FLT3: variants seen among roughly 807,000 people sequenced by gnomAD.
The protein encoded by FLT3 is fms related receptor tyrosine kinase 3, also known as receptor-type tyrosine-protein kinase FLT3.
In FLT3, 46 loss-of-function variants were observed where a neutral mutation model predicts 126.6. The ratio of observed to expected loss-of-function variants is 0.36; its 90% confidence interval spans 0.29 to 0.46. The LOEUF is 0.46. FLT3 is among the 20% of genes least tolerant of loss of function. The pLI, the probability that FLT3 is intolerant of heterozygous loss-of-function variation, is 1.00. For synonymous variants in FLT3, 404 were observed against 434.4 expected (o/e 0.93, Z 0.87); for missense variants, 1,069 against 1,190.3 (o/e 0.90, Z 1.50).
At chr13:28,028,790 C>CTTT (rs35421108) in intron 15 of FLT3, among the ~76,000 whole-genome samples, 1 of 141,188 alleles carries the variant, frequency 7.1e-6, no homozygotes, top group Non-Finnish European at 1.5e-5. Flanking sequence ...TTCTTTCTTT[C>CTTT]TTTTTTTTTG....
At chr13:28,011,640 C>T (rs1410675000) in intron 23 of FLT3, among the ~76,000 whole-genome samples, 11 of 128,652 alleles carry the variant, frequency 8.6e-5, no homozygotes, top group Admixed American at 6.9e-4. Flanking sequence ...ACTCCTCCCA[C>T]CCGGGGAGGG....
chr13:28,075,123 T>C (rs1186950709), intron 1 of FLT3, among the ~76,000 whole-genome samples: 1 of 152,230 alleles, frequency 6.6e-6, no homozygotes, highest in African/African-American at 2.4e-5. Flanking sequence ...CAAAAATATA[T>C]ACTCACGGAG....
chr13:28,092,509 G>A (rs972840973), intron 1 of FLT3, among the ~76,000 whole-genome samples: 2 of 152,002 alleles, frequency 1.3e-5, no homozygotes, highest in Admixed American at 6.6e-5. Context: ...TGGGCTTACA[G>A]GTGCACACCA....
chr13:28,089,246 T>C (rs894538159), intron 1 of FLT3, among the ~76,000 whole-genome samples: 3 of 152,170 alleles, frequency 2.0e-5, no homozygotes, highest in African/African-American at 7.2e-5. Context: ...TCTCACACAT[T>C]GTTGGGGAAA....
chr13:28,087,041 T>C (rs1878721913), intron 1 of FLT3, among the ~76,000 whole-genome samples: 1 of 151,998 alleles, frequency 6.6e-6, no homozygotes, highest in Admixed American at 6.6e-5. Flanking sequence ...TTTGTTTCTC[T>C]TCATTTTTGA....
chr13:28,035,479 A>G lies in FLT3; in HGVS notation c.1597+16T>C, dbSNP rs1873747439. The G allele has an allele frequency of 4.4e-6, 7 of 1,603,450 alleles. No individual in the cohort carries two copies. The highest frequency in any genetic ancestry group is 6.0e-6 in the Non-Finnish European group (7 of 1,176,250). On this transcript the variant is annotated intron_variant, in intron 12 of 23. Transcript: ENST00000241453. ...GAATTCCTGATGGTGGAATATCACA[A>G]GAACAACTGTTGTACCTGGAGAGTT...
intron 1 of FLT3, among the ~76,000 whole-genome samples, chr13:28,086,337 C>T (rs1174933764): frequency 6.6e-6 from 1 of 152,258 alleles, no homozygotes; most frequent in South Asian, 2.1e-4. Context: ...TGTTACATTA[C>T]TTCGTATCTA....
At chr13:28,085,627 G>T (rs1015815693) in intron 1 of FLT3, among the ~76,000 whole-genome samples, 1 of 151,928 alleles carries the variant, frequency 6.6e-6, no homozygotes, top group African/African-American at 2.4e-5. Flanking sequence ...AGGTGCATAC[G>T]TTTAGGATTG....
At chr13:28,058,392 A>T (rs1876227920) in intron 3 of FLT3, among the ~76,000 whole-genome samples, 1 of 151,792 alleles carries the variant, frequency 6.6e-6, no homozygotes, top group Non-Finnish European at 1.5e-5. Flanking sequence ...CATGCCTGTA[A>T]TCCCAGCTAC....
chr13:28,073,673 C>G (rs939691712), intron 1 of FLT3, among the ~76,000 whole-genome samples: 8 of 151,848 alleles, frequency 5.3e-5, no homozygotes, highest in African/African-American at 1.7e-4. Context: ...GATGCTCACA[C>G]CTGTAATCCC....
chr13:28,021,825 C>T (rs1261309915), intron 19 of FLT3, among the ~76,000 whole-genome samples: 1 of 151,466 alleles, frequency 6.6e-6, no homozygotes, highest in African/African-American at 2.4e-5. Flanking sequence ...TCACTGCAAG[C>T]TCCGCCTCCC....
At chr13:28,087,265 T>C (rs1482763328) in intron 1 of FLT3, among the ~76,000 whole-genome samples, 1 of 150,962 alleles carries the variant, frequency 6.6e-6, no homozygotes, top group Non-Finnish European at 1.5e-5. Flanking sequence ...AGACAGTGGA[T>C]TGCTATGTTG....
chr13:28,065,132 G>T (rs1876902322), intron 2 of FLT3, among the ~76,000 whole-genome samples: 1 of 152,096 alleles, frequency 6.6e-6, no homozygotes, highest in Non-Finnish European at 1.5e-5. Flanking sequence ...GAGAATATAA[G>T]GAAATATATA....
At chr13:28,006,590 CAT>C (rs1870918762) in intron 23 of FLT3, among the ~76,000 whole-genome samples, 1 of 152,166 alleles carries the variant, frequency 6.6e-6, no homozygotes, top group Non-Finnish European at 1.5e-5. Context: ...AATTAACTAA[CAT>C]GTGCTCTTCA....
intron 23 of FLT3, among the ~76,000 whole-genome samples, chr13:28,009,108 C>T (rs1593206446): frequency 6.6e-6 from 1 of 152,090 alleles, no homozygotes; most frequent in Non-Finnish European, 1.5e-5. Context: ...TCCTGAGTAG[C>T]TAGAACTACA....
chr13:28,033,675 AAG>A (rs1314358264), intron 15 of FLT3, among the ~76,000 whole-genome samples: 13 of 152,242 alleles, frequency 8.5e-5, no homozygotes, highest in Middle Eastern at 3.4e-3. Flanking sequence ...AAAATAAACA[AAG>A]AGAGAAGTGG....
rs777905087 is a variant in FLT3 at position 28,062,056 on chromosome 13, G to A, written c.179C>T (p.Pro60Leu). The A allele has an allele frequency of 1.2e-5, 20 of 1,611,726 alleles. No homozygotes were observed. The highest frequency in any genetic ancestry group is 1.7e-5 in the Admixed American group (1 of 59,922). ...TCTCAACGCACACCCGAGGTCTTCC[G>A]GGGATTCTGATACCTACGTTGCAGA... is the stretch of plus-strand genomic sequence containing the variant. ...SSSYPMVSES[P>L]EDLGCALRPQ... Residue 60 changes from proline (P) to leucine (L), a missense_variant, in exon 3 of 24, where the codon CCG (proline) becomes CTG (leucine). Coordinates refer to ENST00000241453, the MANE Select transcript of FLT3 (RefSeq NM_004119.3).
Position 28,018,532 on chromosome 13 carries a change from TC to T in FLT3, c.2475del (p.Lys826ArgfsTer12), listed in dbSNP as rs1283477166. The T allele has an allele frequency of 3.1e-6, 5 of 1,614,056 alleles. No individual in the cohort carries two copies. On this transcript the variant is annotated frameshift_variant, in exon 20 of 24. Transcript: ENST00000241453. LOFTEE classifies it high-confidence loss of function. ...RNVLVTHGKV[V>X]KICDFGLARD... is the part of the protein sequence containing the mutation. ...CGAGCCAATCCAAAGTCACATATCT[TC>T]ACCACTTTCCCGTGGGTGACAAGCA...
At chr13:28,066,970 C>T (rs1877092737) in intron 2 of FLT3, among the ~76,000 whole-genome samples, 1 of 152,208 alleles carries the variant, frequency 6.6e-6, no homozygotes, top group African/African-American at 2.4e-5. Flanking sequence ...TTCATAATGA[C>T]ACCAAATGAC....
Sources: allele counts gnomAD v4.1 joint callset (sites outside exome capture counted in the v4.1 genomes callset), GRCh38; gene constraint gnomAD v4.1.1; transcripts MANE v1.5; gene names NCBI Gene and HGNC (gene_info 2026-07-23, HGNC 2026-07-21).